ATG7: variants seen among roughly 807,000 people sequenced by gnomAD.
The protein encoded by ATG7 is autophagy related 7, also known as ubiquitin-like modifier-activating enzyme ATG7.
Under a neutral mutation model 82.4 loss-of-function variants are expected in ATG7, and 70 were observed. The observed-to-expected ratio is 0.85, with a 90% CI of 0.70 to 1.04. The LOEUF (loss-of-function observed/expected upper bound fraction) is 1.04, where lower values mean the gene tolerates loss of function less well. Ranked by LOEUF, ATG7 falls within the 50% of genes least tolerant of loss-of-function variation. The pLI is 0.00. For synonymous variants in ATG7, 287 were observed against 313.0 expected, an observed-to-expected ratio of 0.92 and a Z score of 0.88; for missense variants, 792 against 864.3, an observed-to-expected ratio of 0.92 and a Z score of 1.05.
intron 18 of ATG7, among the ~76,000 whole-genome samples, chr3:11,369,188 T>C (rs1410263335): frequency 6.6e-6 from 1 of 150,958 alleles, no homozygotes; most frequent in Non-Finnish European, 1.5e-5. Flanking sequence ...GAAATACTTA[T>C]CTCAGTGTGC....
At chr3:11,446,442 A>G (rs1004432312) in intron 20 of ATG7, 2 of 404,792 alleles carry the variant, frequency 4.9e-6, no homozygotes, top group Non-Finnish European at 4.8e-6. Context: ...AGACTCCTTA[A>G]TTTAGTCCGT....
In ATG7 at chr3:11,380,943, A is replaced by C. The variant is rs112717174; in HGVS notation, c.1956+891A>C. Among the ~76,000 whole-genome samples the C allele has an allele frequency of 6.0e-3, 911 of 152,294 alleles. 7 individuals carry two copies. The highest frequency in any genetic ancestry group is 0.02 in the African/African-American group (825 of 41,544). On this transcript the variant is annotated intron_variant, in intron 19 of 20. Coordinates refer to ENST00000693202, the MANE Select transcript of ATG7 (RefSeq NM_001349232.2). ...TCTGAGTTGACAAGCTTCCTTTGAAAACTGTACTTGGGCTATATTTTATGG... is the reference window on the plus strand; with the variant it reads ...TCTGAGTTGACAAGCTTCCTTTGAACACTGTACTTGGGCTATATTTTATGG...
intron 20 of ATG7, among the ~76,000 whole-genome samples, chr3:11,532,922 T>A (rs1485068021): frequency 6.6e-6 from 1 of 152,174 alleles, no homozygotes; most frequent in East Asian, 1.9e-4. Context: ...CTTGTTATCT[T>A]TGCACCACCC....
chr3:11,367,007 G>GTGTA (rs2076665213), intron 18 of ATG7, among the ~76,000 whole-genome samples: 1 of 148,802 alleles, frequency 6.7e-6, no homozygotes, highest in African/African-American at 2.5e-5. Flanking sequence ...GTGTGTGTGT[G>GTGTA]TGTGTGTTTA....
chr3:11,507,088 C>T (rs1456030218), intron 20 of ATG7, among the ~76,000 whole-genome samples: 1 of 152,094 alleles, frequency 6.6e-6, no homozygotes, highest in East Asian at 1.9e-4. Flanking sequence ...TGAGAACAGC[C>T]AGGCCCAACA....
chr3:11,360,896 G>C lies in ATG7; in HGVS notation c.1683+112G>C, dbSNP rs1219286658. On this transcript the variant is annotated intron_variant, in intron 16 of 20. Transcript: ENST00000693202. ...TATTTAAATATTATCTTTTAACAAA[G>C]AGAAGAATTCTCCAATTTGGGGAGG... 8.1e-6 allele frequency: 10 copies of C among 1,227,970 alleles called. No individual in the cohort carries two copies. In the East Asian group the frequency reaches 9.5e-5, roughly 12 times the overall value. 76.1% of individuals were successfully genotyped at this position (1,227,970 alleles called of 1,614,324 possible). A position where few individuals can be genotyped will look rare whatever the true frequency, so the allele number is the denominator to read the frequency against.
At chr3:11,451,372 C>T (rs1347058628) in intron 20 of ATG7, among the ~76,000 whole-genome samples, 1 of 152,070 alleles carries the variant, frequency 6.6e-6, no homozygotes, top group African/African-American at 2.4e-5. Context: ...CCACCATGCC[C>T]AGCTAATTTT....
intron 20 of ATG7, among the ~76,000 whole-genome samples, chr3:11,437,510 T>G (rs2083470374): frequency 6.6e-6 from 1 of 152,162 alleles, no homozygotes; most frequent in African/African-American, 2.4e-5. Flanking sequence ...AAGCAGGTGT[T>G]TAGAGGATCT....
chr3:11,492,291 G>A (rs997025752), intron 20 of ATG7, among the ~76,000 whole-genome samples: 12 of 152,146 alleles, frequency 7.9e-5, no homozygotes, highest in African/African-American at 1.9e-4. Context: ...TGCACTTCCC[G>A]AGTGAGGCAA....
chr3:11,298,526 G>GT (rs1238428933), intron 3 of ATG7, among the ~76,000 whole-genome samples, 160 bp from the exon 4 acceptor site: 2 of 152,170 alleles, frequency 1.3e-5, no homozygotes, highest in Non-Finnish European at 2.9e-5. Flanking sequence ...TATGTTATGT[G>GT]TTTCTTACCA....
Position 11,373,949 on chromosome 3 carries a change from G to A in ATG7, c.1876-6023G>A, listed in dbSNP as rs374343841. Among the ~76,000 whole-genome samples the A allele has an allele frequency of 4.6e-4, 70 of 152,160 alleles. No homozygotes were observed. The South Asian group carries it at 0.015, about 32-fold the overall frequency. On this transcript the variant is annotated intron_variant, in intron 18 of 20. Transcript: ENST00000693202. Reference sequence around the variant, plus strand: ...ATTTGAATAATTTTGTAAGCTTTGGGTTTTTGTTTACTTGTTTATTCATTT... The same window carrying A: ...ATTTGAATAATTTTGTAAGCTTTGGATTTTTGTTTACTTGTTTATTCATTT...
In ATG7 at chr3:11,342,173, T is replaced by C. The variant is rs769821089; in HGVS notation, c.1019T>C (p.Met340Thr). 9 of 1,613,286 alleles carry C rather than the reference T, an allele frequency of 5.6e-6. No homozygotes were observed. In the South Asian group the frequency reaches 8.8e-5, roughly 16 times the overall value. ...ESSVDLNLKL[M>T]CWRLVPTLDL... is the part of the protein sequence containing the mutation. Reference sequence around the variant, plus strand: ...TCAGTGGATCTAAATCTCAAACTGATGTGTTGGAGATTGGTTCCTACTTTA... The same window carrying C: ...TCAGTGGATCTAAATCTCAAACTGACGTGTTGGAGATTGGTTCCTACTTTA... Residue 340 changes from methionine (M) to threonine (T), a missense_variant, in exon 13 of 21, where the codon ATG becomes ACG. Met to Thr is a moderately conservative substitution (Grantham distance 81, BLOSUM62 -1). Transcript: ENST00000693202.
the ATG7 span, among the ~76,000 whole-genome samples, chr3:11,567,579 C>T: frequency 6.6e-6 from 1 of 152,216 alleles, no homozygotes; most frequent in Non-Finnish European, 1.5e-5. Context: ...CTGAAACCAG[C>T]CTGTCCATAA....
chr3:11,377,576 T>G (rs914727595), intron 18 of ATG7, among the ~76,000 whole-genome samples: 5 of 152,208 alleles, frequency 3.3e-5, no homozygotes, highest in Non-Finnish European at 7.3e-5. Flanking sequence ...TACCAGTATT[T>G]GTGCAACATA....
intron 20 of ATG7, among the ~76,000 whole-genome samples, chr3:11,450,154 C>T (rs536097857): frequency 6.6e-6 from 1 of 150,830 alleles, no homozygotes; most frequent in Non-Finnish European, 1.5e-5. Context: ...TCTTCACAAT[C>T]ACTTTATTTA....
intron 20 of ATG7, among the ~76,000 whole-genome samples, chr3:11,464,903 G>A (rs572327187): frequency 2.5e-4 from 38 of 152,190 alleles, no homozygotes; most frequent in Admixed American, 5.2e-4. Context: ...GTACTGTTAG[G>A]ATTAAGTAAT....
intron 19 of ATG7, among the ~76,000 whole-genome samples, chr3:11,425,803 G>A (rs1576327955): frequency 6.6e-6 from 1 of 151,940 alleles, no homozygotes; most frequent in Non-Finnish European, 1.5e-5. Context: ...TGTCCCTTGT[G>A]CCCCTTACAG....
intron 14 of ATG7, among the ~76,000 whole-genome samples, chr3:11,351,850 T>C (rs2075571613): frequency 8.7e-6 from 1 of 114,480 alleles, no homozygotes; most frequent in Non-Finnish European, 2.0e-5. Flanking sequence ...TAGTATAGTT[T>C]CTTTTTTTTT....
intron 20 of ATG7, among the ~76,000 whole-genome samples, chr3:11,507,098 A>C (rs1344119531): frequency 6.6e-6 from 1 of 152,132 alleles, no homozygotes; most frequent in Non-Finnish European, 1.5e-5. Flanking sequence ...CAGGCCCAAC[A>C]TAGTGAAACC....
Sources: gnomAD v4.1 joint callset for allele counts (sites outside exome capture counted in the v4.1 genomes callset) on GRCh38, gnomAD v4.1.1 for gene constraint, MANE v1.5 for transcripts, NCBI Gene and HGNC (gene_info 2026-07-23, HGNC 2026-07-21) for gene names.